C11orf65: variants seen among roughly 807,000 people sequenced by gnomAD.
C11orf65 encodes chromosome 11 open reading frame 65, also known as protein MFI.
C11orf65 carries 38 observed loss-of-function variants against 35.3 expected under a neutral mutation model. The ratio of observed to expected loss-of-function variants is 1.08; its 90% CI spans 0.83 to 1.41. C11orf65 has a LOEUF of 1.41. Ranked by LOEUF, C11orf65 falls within the 40% of genes most tolerant of loss-of-function variation. The probability of loss-of-function intolerance (pLI) is 0.00; values close to 1 mark genes in which losing one functional copy is unlikely to be tolerated. For missense variants in C11orf65, 370 were observed against 367.1 expected, an observed-to-expected ratio of 1.01 and a Z score of -0.06; for synonymous variants, 105 against 114.4, an observed-to-expected ratio of 0.92 and a Z score of 0.53.
At chr11:108,364,073 C>T (rs1434056062) in intron 2 of C11orf65, among the ~76,000 whole-genome samples, 1 of 152,064 alleles carries the variant, frequency 6.6e-6, no homozygotes, top group Non-Finnish European at 1.5e-5. Flanking sequence ...ATTTAATGGT[C>T]CTGGAGGACA....
rs777925486 is a variant in C11orf65, at chr11:108,331,470, T to C, written c.*80A>G. On this transcript the variant is annotated 3_prime_UTR_variant, in exon 4 of 4. Coordinates refer to the C11orf65 transcript ENST00000524755. Reference sequence around the variant, plus strand: ...GAGACGGAATGAAGATTCCAACATATAAATTTTTGCCTCTTATGTACCAAT... The same window carrying C: ...GAGACGGAATGAAGATTCCAACATACAAATTTTTGCCTCTTATGTACCAAT... 1.6e-5 allele frequency: 26 copies of C among 1,613,372 alleles called. No individual in the cohort carries two copies. The highest frequency in any genetic ancestry group is 6.7e-5 in the Admixed American group (4 of 59,956).
intron 1 of C11orf65, chr11:108,462,709 C>T (rs1445254171): frequency 1.3e-5 from 2 of 152,150 alleles, no homozygotes; most frequent in African/African-American, 4.8e-5. Context: ...TGGATTTTTA[C>T]TTAGTCTTAA....
chr11:108,383,594 T>G (rs1490090470), intron 8 of C11orf65, among the ~76,000 whole-genome samples: 1 of 152,214 alleles, frequency 6.6e-6, no homozygotes, highest in African/African-American at 2.4e-5. Flanking sequence ...AGCTAACTTC[T>G]TCATTCACAA....
In C11orf65 at chr11:108,455,482, T is replaced by A. The variant is rs189500922; in HGVS notation, c.81+5997A>T. ...AAAGGAAAAGTAAAACTGTCATCAT[T>A]CAAAGATAACATGACTAAGAAAATC... On this transcript the variant is annotated intron_variant, in intron 2 of 8. Transcript: ENST00000393084. 2.6e-5 allele frequency among the ~76,000 whole-genome samples: 4 copies of A among 152,274 alleles called. No individual in the cohort carries two copies. The East Asian group carries it at 7.7e-4, about 29-fold the overall frequency.
At chr11:108,340,516 A>G (rs1434719019) in intron 2 of C11orf65, among the ~76,000 whole-genome samples, 2 of 152,200 alleles carry the variant, frequency 1.3e-5, no homozygotes. Flanking sequence ...TCCATCAGCA[A>G]GTCCTATTGG....
chr11:108,331,060 T>C, downstream of C11orf65: 1 of 588,884 alleles, frequency 1.7e-6, no homozygotes, highest in Middle Eastern at 8.1e-4. Context: ...TAGTATACAC[T>C]AAATATTACT....
At chr11:108,309,779 G>C (rs1232894843) in intron 6 of C11orf65, among the ~76,000 whole-genome samples, 2 of 152,088 alleles carry the variant, frequency 1.3e-5, no homozygotes, top group African/African-American at 4.8e-5. Flanking sequence ...TAAATTGACT[G>C]TTTTAAAGTG....
intron 6 of C11orf65, among the ~76,000 whole-genome samples, chr11:108,404,161 T>C (rs118033900): frequency 0.021 from 3,132 of 152,296 alleles, 52 homozygotes; most frequent in Middle Eastern, 0.037. Flanking sequence ...CCATCTTTTC[T>C]TTCAGGCACA....
chr11:108,413,484 G>C (rs2092688789), intron 3 of C11orf65, among the ~76,000 whole-genome samples: 1 of 152,122 alleles, frequency 6.6e-6, no homozygotes, highest in Non-Finnish European at 1.5e-5. Flanking sequence ...AAGATAATCT[G>C]ACTTCTTATT....
chr11:108,358,003 C>T (rs1298375430), intron 2 of C11orf65, among the ~76,000 whole-genome samples: 13 of 146,130 alleles, frequency 8.9e-5, no homozygotes, highest in Admixed American at 2.1e-4. Flanking sequence ...CTCTGAGCTA[C>T]GGGAGGACAT....
chr11:108,328,386 A>G (rs1186820514), downstream of C11orf65, among the ~76,000 whole-genome samples: 2 of 152,148 alleles, frequency 1.3e-5, no homozygotes, highest in Non-Finnish European at 2.9e-5. Flanking sequence ...AGCTGGGACT[A>G]CAGGAGTGTG....
intron 3 of C11orf65, among the ~76,000 whole-genome samples, chr11:108,411,582 G>T (rs2092657449): frequency 6.6e-6 from 1 of 152,114 alleles, no homozygotes; most frequent in African/African-American, 2.4e-5. Flanking sequence ...AGAGAGTTGT[G>T]TTAAAATCTT....
At chr11:108,413,469 G>T (rs1401896619) in intron 3 of C11orf65, among the ~76,000 whole-genome samples, 1 of 152,060 alleles carries the variant, frequency 6.6e-6, no homozygotes. Flanking sequence ...GTCACCAGTA[G>T]AAAAAAGATA....
intron 2 of C11orf65, among the ~76,000 whole-genome samples, chr11:108,346,898 C>G (rs1355060039): frequency 6.6e-6 from 1 of 152,020 alleles, no homozygotes; most frequent in African/African-American, 2.4e-5. Flanking sequence ...AGAGTTTATC[C>G]ATAGACTTCT....
At chr11:108,385,775 T>A in intron 8 of C11orf65, 145 bp downstream of exon 8, 1 of 659,312 alleles carries the variant, frequency 1.5e-6, no homozygotes, top group Non-Finnish European at 2.7e-6. Flanking sequence ...CAATCTTACA[T>A]ACAAAGGTAA....
chr11:108,356,558 A>AG (rs2089949935), intron 2 of C11orf65, among the ~76,000 whole-genome samples: 1 of 151,796 alleles, frequency 6.6e-6, no homozygotes, highest in Non-Finnish European at 1.5e-5. Context: ...AAAAAAAAAA[A>AG]AAGCCCAAAC....
chr11:108,330,173 G>T, downstream of C11orf65: 5 of 1,590,122 alleles, frequency 3.1e-6, no homozygotes, highest in Non-Finnish European at 4.3e-6. Context: ...TTCTGTTAAA[G>T]TTCATGGCTT....
At chr11:108,420,243 C>A (rs2092796156) in intron 3 of C11orf65, among the ~76,000 whole-genome samples, 1 of 152,108 alleles carries the variant, frequency 6.6e-6, no homozygotes, top group South Asian at 2.1e-4. Flanking sequence ...TTTAGAAGAA[C>A]TAAATAACAT....
downstream of C11orf65, among the ~76,000 whole-genome samples, chr11:108,377,778 C>T (rs2091767754): frequency 2.0e-5 from 3 of 151,938 alleles, no homozygotes; most frequent in East Asian, 1.9e-4. Context: ...GCAACTTCAG[C>T]AAAGTCTCAG....
Sources: gnomAD v4.1 joint callset for allele counts (sites outside exome capture counted in the v4.1 genomes callset) on GRCh38, gnomAD v4.1.1 for gene constraint, MANE v1.5 for transcripts, NCBI Gene and HGNC (gene_info 2026-07-23, HGNC 2026-07-21) for gene names.